Variants in JADE2 observed in about 807,000 individuals in gnomAD.
JADE2 encodes the protein E3 ubiquitin-protein ligase Jade-2.
A neutral mutation model predicts 85.7 loss-of-function variants in JADE2; 13 were observed. The ratio of observed to expected loss-of-function variants is 0.15; its 90% CI spans 0.10 to 0.24. The LOEUF (loss-of-function observed/expected upper bound fraction) is 0.24, where lower values mean the gene tolerates loss of function less well. Ranked by LOEUF, JADE2 falls within the 10% of genes least tolerant of loss-of-function variation. The pLI, the probability that JADE2 is intolerant of heterozygous loss-of-function variation, is 1.00. For missense variants in JADE2, 846 were observed against 1,115.9 expected, an observed-to-expected ratio of 0.76 and a Z score of 3.45; for synonymous variants, 440 against 456.1, an observed-to-expected ratio of 0.96 and a Z score of 0.45.
Position 134,581,364 on chromosome 5 carries a change from G to A in JADE2, c.*2047G>A, listed in dbSNP as rs951992539. On this transcript the variant is annotated 3_prime_UTR_variant, in exon 12 of 12. Transcript: ENST00000681547. ...AACTTCTTCCTTCCCCATGCTTTGG[G>A]TCACCTCGGGCTGCAACCCTGTCTG... 6.5e-6 allele frequency: 1 copy of A among 152,700 alleles called. No individual in the cohort carries two copies. Among genetic ancestry groups the A allele is most frequent in the East Asian group, 1.9e-4 (1 of 5,196 alleles). 9.5% of individuals were successfully genotyped at this position (152,700 alleles called of 1,614,324 possible).
chr5:134,552,777 G>A (rs56086258), intron 4 of JADE2, among the ~76,000 whole-genome samples: 22,281 of 150,720 alleles, frequency 0.15, 1,846 homozygotes, highest in African/African-American at 0.22. Context: ...GGTTCAAGCA[G>A]TCCTCCCACC....
At chr5:134,526,327 C>T (rs1760814172) in intron 1 of JADE2, 3 of 985,062 alleles carry the variant, frequency 3.0e-6, no homozygotes, top group Admixed American at 6.2e-5. Context: ...TGCGGCAAAG[C>T]GCCCCCGGGC....
chr5:134,539,760 C>T (rs1761857424), intron 3 of JADE2, among the ~76,000 whole-genome samples: 1 of 152,200 alleles, frequency 6.6e-6, no homozygotes, highest in Non-Finnish European at 1.5e-5. Context: ...CTGGCCCCTC[C>T]TCTATGCTAC....
rs1382899284 is a variant in JADE2 at position 134,580,657 on chromosome 5, C to T, written c.*1340C>T. ...CTCCAAAAAGAACCTTGCAAAAAGT[C>T]CAGTGAATCAGTCGAATCATTCTGT... is the stretch of plus-strand genomic sequence containing the variant. On this transcript the variant is annotated 3_prime_UTR_variant, in exon 12 of 12. Transcript: ENST00000681547. The T allele has an allele frequency of 6.6e-6, 1 of 152,356 alleles. No homozygotes were observed. The allele number at this position is 152,356 out of a possible 1,614,324, so 9.4% of individuals were successfully genotyped here. A position where few individuals can be genotyped will look rare whatever the true frequency, so the allele number is the denominator to read the frequency against.
intron 10 of JADE2, chr5:134,575,536 CT>C: frequency 6.6e-6 from 1 of 152,336 alleles, no homozygotes; most frequent in East Asian, 1.9e-4. Context: ...GGGGGAGGAG[CT>C]TACACTGTCC....
intron 4 of JADE2, among the ~76,000 whole-genome samples, chr5:134,553,374 A>C (rs1386319680): frequency 1.4e-5 from 1 of 73,676 alleles, no homozygotes; most frequent in Non-Finnish European, 3.0e-5. Flanking sequence ...TTTTTTTTTG[A>C]GACGGAGTCT....
At chr5:134,533,448 T>C (rs1323611096) in intron 1 of JADE2, 2 of 739,882 alleles carry the variant, frequency 2.7e-6, no homozygotes, top group Admixed American at 6.2e-5. Flanking sequence ...CCAAGGTCCC[T>C]GGTCTATGAG....
chr5:134,570,352 G>C (rs1763911675), intron 9 of JADE2, among the ~76,000 whole-genome samples: 1 of 151,948 alleles, frequency 6.6e-6, no homozygotes, highest in Admixed American at 6.5e-5. Context: ...CTCTTTTCCA[G>C]CCCACACCTG....
At chr5:134,576,049 A>AT (rs1461816104) in intron 10 of JADE2, among the ~76,000 whole-genome samples, 1 of 152,176 alleles carries the variant, frequency 6.6e-6, no homozygotes, top group Non-Finnish European at 1.5e-5. Context: ...AAATTTGAAA[A>AT]TTAGCCGGGT....
chr5:134,563,864 C>T (rs899833532), intron 7 of JADE2, among the ~76,000 whole-genome samples: 1 of 152,168 alleles, frequency 6.6e-6, no homozygotes, highest in Non-Finnish European at 1.5e-5. Flanking sequence ...TTTCCATCCT[C>T]AGGCATTAGC....
At position 134,562,168 on chromosome 5, in the gene JADE2, C is replaced by G; in HGVS notation, c.685-32C>G. ...TGACCAGACACAGATTGGCCAGTTC[C>G]GCTGACTCATGACCACCCTGCTCTC... On this transcript the variant is annotated intron_variant, in intron 6 of 11. Coordinates refer to ENST00000681547, the MANE Select transcript of JADE2 (RefSeq NM_001388185.1). The surrounding 1 kb of genome is among the most constrained non-coding windows in gnomAD (Gnocchi z 4.6). 6.4e-7 allele frequency: 1 copy of G among 1,570,406 alleles called. No homozygotes were observed. Among genetic ancestry groups the G allele is most frequent in the Non-Finnish European group, 8.7e-7 (1 of 1,155,406 alleles).
chr5:134,534,682 G>T (rs774591127), intron 1 of JADE2, among the ~76,000 whole-genome samples: 1 of 152,300 alleles, frequency 6.6e-6, no homozygotes, highest in Non-Finnish European at 1.5e-5. Context: ...GTGCAGATGG[G>T]CTGGGCAGTG....
At chr5:134,560,079 CTA>C in intron 5 of JADE2, 89 bp downstream of exon 5, 1 of 1,451,786 alleles carries the variant, frequency 6.9e-7, no homozygotes, top group Non-Finnish European at 9.6e-7. Context: ...CCAGGCAGGG[CTA>C]TGGTATGGCA....
At chr5:134,572,039 T>A (rs1294082376) in intron 9 of JADE2, among the ~76,000 whole-genome samples, 4 of 152,252 alleles carry the variant, frequency 2.6e-5, no homozygotes, top group African/African-American at 9.6e-5. Flanking sequence ...GTTGCTCACT[T>A]GAGTCCAGGG....
At chr5:134,547,997 A>G (rs1410393017) in intron 3 of JADE2, among the ~76,000 whole-genome samples, 2 of 152,196 alleles carry the variant, frequency 1.3e-5, no homozygotes, top group African/African-American at 4.8e-5. Context: ...TGAGACCTTA[A>G]GGATGAAGTG....
intron 4 of JADE2, 42 bp from the exon 5 acceptor site, chr5:134,559,788 T>G (rs1763213079): frequency 6.3e-7 from 1 of 1,581,834 alleles, no homozygotes; most frequent in South Asian, 1.1e-5. Context: ...GGCGGCAGGC[T>G]GAGGGCCCCT....
At chr5:134,555,881 T>G (rs1762879727) in intron 4 of JADE2, among the ~76,000 whole-genome samples, 1 of 152,186 alleles carries the variant, frequency 6.6e-6, no homozygotes, top group South Asian at 2.1e-4. Flanking sequence ...AGAACCTTCC[T>G]TCATGTGGGC....
chr5:134,539,028 G>GTATTTT (rs1254534461), intron 3 of JADE2, among the ~76,000 whole-genome samples: 30 of 92,986 alleles, frequency 3.2e-4, no homozygotes, highest in Non-Finnish European at 6.2e-4. Flanking sequence ...GCTAATTTTT[G>GTATTTT]TATTTTTATT....
chr5:134,558,473 T>A (rs529567228), intron 4 of JADE2, among the ~76,000 whole-genome samples: 8 of 151,860 alleles, frequency 5.3e-5, no homozygotes, highest in Admixed American at 3.9e-4. Context: ...ATGTCCTGAA[T>A]GGTAATGCCT....
Sources: allele counts gnomAD v4.1 joint callset (sites outside exome capture counted in the v4.1 genomes callset), GRCh38; gene constraint gnomAD v4.1.1; non-coding constraint Gnocchi (gnomAD v3.1); transcripts MANE v1.5; gene names NCBI Gene and HGNC (gene_info 2026-07-23, HGNC 2026-07-21).